The following NAALADL2 variants were observed in gnomAD, a reference collection of about 807,000 sequenced individuals.
NAALADL2 encodes N-acetylated alpha-linked acidic dipeptidase like 2.
In NAALADL2, 76 loss-of-function variants were observed where a neutral mutation model predicts 87.2. That is an observed-to-expected ratio of 0.87 (90% CI 0.72 to 1.05). The LOEUF (loss-of-function observed/expected upper bound fraction) is 1.05, where lower values mean the gene tolerates loss of function less well. Among genes scored for constraint, NAALADL2 ranks in the 50% least tolerant of loss-of-function variants. The probability of loss-of-function intolerance (pLI) is 0.00; values close to 1 mark genes in which losing one functional copy is unlikely to be tolerated. For missense variants in NAALADL2, 1,089 were observed against 945.8 expected (o/e 1.15, Z -1.99); for synonymous variants, 354 against 331.0 (o/e 1.07, Z -0.75).
intron 1 of NAALADL2, among the ~76,000 whole-genome samples, chr3:175,008,458 T>A (rs1749334877): frequency 6.6e-6 from 1 of 152,196 alleles, no homozygotes; most frequent in Admixed American, 6.5e-5. Flanking sequence ...CTACCACACT[T>A]AACTAAAACT....
At chr3:174,703,583 A>G (rs979566237) in intron 2 of NAALADL2, among the ~76,000 whole-genome samples, 4 of 152,078 alleles carry the variant, frequency 2.6e-5, no homozygotes, top group African/African-American at 9.7e-5. Context: ...TTATTAGTGA[A>G]GTATATAATT....
intron 4 of NAALADL2, among the ~76,000 whole-genome samples, chr3:175,288,870 T>C (rs1755299817): frequency 1.3e-5 from 2 of 152,170 alleles, no homozygotes; most frequent in Non-Finnish European, 2.9e-5. Context: ...ACTCTGGATG[T>C]CTTCCAAGAA....
chr3:175,644,778 G>C (rs1360056622), intron 11 of NAALADL2, among the ~76,000 whole-genome samples: 1 of 152,106 alleles, frequency 6.6e-6, no homozygotes. Context: ...AAGGCTTGCT[G>C]AGATATTTAT....
chr3:175,355,022 ATGTGTGTG>A (rs3067322), intron 5 of NAALADL2, among the ~76,000 whole-genome samples: 13,704 of 139,302 alleles, frequency 0.098, 830 homozygotes, highest in Non-Finnish European at 0.14. Context: ...CTATATATAT[ATGTGTGTG>A]TGTGTGTGTG....
At chr3:175,524,456 T>G (rs944758906) in intron 9 of NAALADL2, among the ~76,000 whole-genome samples, 3 of 152,162 alleles carry the variant, frequency 2.0e-5, no homozygotes, top group Non-Finnish European at 4.4e-5. Context: ...TTTAATATAA[T>G]CTACATTTTG....
intron 1 of NAALADL2, among the ~76,000 whole-genome samples, chr3:175,074,730 T>C (rs1211394451): frequency 6.6e-6 from 1 of 152,090 alleles, no homozygotes; most frequent in Non-Finnish European, 1.5e-5. Flanking sequence ...AGGGTTTTTG[T>C]TATTTTTTTC....
At chr3:175,729,782 T>C (rs1743420056) in intron 11 of NAALADL2, among the ~76,000 whole-genome samples, 1 of 151,058 alleles carries the variant, frequency 6.6e-6, no homozygotes, top group African/African-American at 2.4e-5. Context: ...TTTTTTTTTT[T>C]TTCACATGCC....
intron 4 of NAALADL2, among the ~76,000 whole-genome samples, chr3:175,313,156 C>T (rs1304047655): frequency 6.6e-6 from 1 of 151,904 alleles, no homozygotes; most frequent in Non-Finnish European, 1.5e-5. Context: ...CTTCTGAGTA[C>T]CTGAGTCATA....
At chr3:175,298,500 TTTA>T (rs1331915876) in intron 4 of NAALADL2, among the ~76,000 whole-genome samples, 1 of 152,094 alleles carries the variant, frequency 6.6e-6, no homozygotes, top group Non-Finnish European at 1.5e-5. Flanking sequence ...AGAATAAAAA[TTTA>T]TTATTGTTCC....
At chr3:174,521,861 A>G (rs1399111329) in intron 1 of NAALADL2, among the ~76,000 whole-genome samples, 2 of 152,152 alleles carry the variant, frequency 1.3e-5, no homozygotes, top group African/African-American at 2.4e-5. Context: ...TGATGGGTAC[A>G]CTAGAAGCCC....
chr3:174,565,082 C>T (rs961397875), intron 2 of NAALADL2, among the ~76,000 whole-genome samples: 2 of 151,892 alleles, frequency 1.3e-5, no homozygotes, highest in African/African-American at 4.8e-5. Context: ...ACACCCTCAC[C>T]ACCATCCCCC....
At chr3:174,714,023 A>T (rs1419227605) in intron 2 of NAALADL2, among the ~76,000 whole-genome samples, 2 of 152,286 alleles carry the variant, frequency 1.3e-5, no homozygotes, top group East Asian at 1.9e-4. Context: ...ACATATGGCT[A>T]GCCAGTTTTC....
chr3:175,649,513 T>C (rs1272142415), intron 11 of NAALADL2, among the ~76,000 whole-genome samples: 1 of 152,034 alleles, frequency 6.6e-6, no homozygotes, highest in Non-Finnish European at 1.5e-5. Flanking sequence ...AGTTTTCTCA[T>C]AGTTCTGGAG....
chr3:175,636,416 C>T (rs1044399218), intron 11 of NAALADL2, among the ~76,000 whole-genome samples: 4 of 151,880 alleles, frequency 2.6e-5, no homozygotes, highest in Admixed American at 2.0e-4. Flanking sequence ...TTCAAGGAAT[C>T]GGCGGGGCAC....
At chr3:174,751,329 G>C (rs373055275) in intron 3 of NAALADL2, among the ~76,000 whole-genome samples, 1 of 151,958 alleles carries the variant, frequency 6.6e-6, no homozygotes, top group Non-Finnish European at 1.5e-5. Context: ...TTTTGCAGAG[G>C]TCTATTAATA....
intron 11 of NAALADL2, among the ~76,000 whole-genome samples, chr3:175,645,432 G>C (rs1280162351): frequency 6.6e-6 from 1 of 152,126 alleles, no homozygotes; most frequent in African/African-American, 2.4e-5. Flanking sequence ...ACTATGCTAA[G>C]GCTTTGAAGG....
rs563572445 is a variant in NAALADL2, at chr3:175,499,119, T to C, written c.1653+27361T>C. ...GGTTAATGCAGATTAAAACTAGGTATTTGAGATATGACTCATTATTGGAAA... is the reference window on the plus strand; with the variant it reads ...GGTTAATGCAGATTAAAACTAGGTACTTGAGATATGACTCATTATTGGAAA... On this transcript the variant is annotated intron_variant, in intron 9 of 13. Transcript: ENST00000454872. Among the ~76,000 whole-genome samples the C allele has an allele frequency of 2.0e-5, 3 of 152,240 alleles. No individual in the cohort carries two copies. In the East Asian group the frequency reaches 5.8e-4, roughly 29 times the overall value.
chr3:174,921,554 C>T (rs1395052141), intron 1 of NAALADL2, among the ~76,000 whole-genome samples: 1 of 152,030 alleles, frequency 6.6e-6, no homozygotes. Context: ...GTAATCCCAG[C>T]ACTTTGGCAG....
intron 1 of NAALADL2, among the ~76,000 whole-genome samples, chr3:174,896,000 TA>T (rs527882943): frequency 3.2e-4 from 48 of 151,552 alleles, no homozygotes; most frequent in Non-Finnish European, 4.4e-4. Flanking sequence ...CGTTACATGA[TA>T]AAAAAAAATC....
Sources: allele counts gnomAD v4.1 joint callset (sites outside exome capture counted in the v4.1 genomes callset), GRCh38; gene constraint gnomAD v4.1.1; transcripts MANE v1.5; gene names NCBI Gene and HGNC (gene_info 2026-07-23, HGNC 2026-07-21).